The following TCP1 variants were observed in gnomAD, a reference collection of about 807,000 sequenced individuals.
TCP1 encodes the protein T-complex protein 1 subunit alpha.
A neutral mutation model predicts 54.7 loss-of-function variants in TCP1; 6 were observed. The observed-to-expected ratio is 0.11, with a 90% CI of 0.06 to 0.22. The LOEUF (loss-of-function observed/expected upper bound fraction) is 0.22, where lower values mean the gene tolerates loss of function less well. Ranked by LOEUF, TCP1 falls within the 10% of genes least tolerant of loss-of-function variation. The probability of loss-of-function intolerance (pLI) is 1.00; values close to 1 mark genes in which losing one functional copy is unlikely to be tolerated. For synonymous variants in TCP1, 225 were observed against 229.7 expected, an observed-to-expected ratio of 0.98 and a Z score of 0.19; for missense variants, 511 against 678.2, an observed-to-expected ratio of 0.75 and a Z score of 2.74.
In TCP1 at chr6:159,780,542, T is replaced by C; in HGVS notation, c.998A>G (p.Asn333Ser). The stretch of plus-strand genomic sequence containing the variant: ...TTCAAAAGTTTCTTCACCTTCCAAA[T>C]TGGCCAGGGTTGACAGAATAGTTGC... ...SGATILSTLA[N>S]LEGEETFEAA... is the part of the protein sequence containing the mutation. Residue 333 changes from asparagine (N) to serine (S), a missense_variant, in exon 9 of 12, where the codon AAT (asparagine) becomes AGT (serine). Around this residue, in one of 5 missense-constraint regions of TCP1, gnomAD observed 305 missense variants for 352.8 expected, o/e 0.86. Coordinates refer to ENST00000321394, the MANE Select transcript of TCP1 (RefSeq NM_030752.3). The C allele has an allele frequency of 4.3e-6, 7 of 1,613,620 alleles. No individual in the cohort carries two copies. Among genetic ancestry groups the C allele is most frequent in the East Asian group, 4.5e-5 (2 of 44,864 alleles).
intron 8 of TCP1, 41 bp downstream of exon 8, chr6:159,780,894 A>T: frequency 6.5e-7 from 1 of 1,549,534 alleles, no homozygotes; most frequent in Non-Finnish European, 8.7e-7. Context: ...AGGATCAGGG[A>T]TAATAAAAGT....
rs1162648793 is a variant in TCP1, at chr6:159,787,829, G to T, written c.193C>A (p.Leu65Met). The T allele has an allele frequency of 6.2e-7, 1 of 1,614,184 alleles. No homozygotes were observed. The highest frequency in any genetic ancestry group is 8.5e-7 in the Non-Finnish European group (1 of 1,180,028). The change falls in exon 3 of 12, where the codon CTG (leucine) becomes ATG (methionine). Residue 65 changes from leucine (L) to methionine (M), a missense_variant. Physicochemically the swap from Leu to Met is conservative, Grantham distance 15. Coordinates refer to ENST00000321394, the MANE Select transcript of TCP1 (RefSeq NM_030752.3). ...TNDGATILKL[L>M]EVEHPAAKVL... The stretch of plus-strand genomic sequence containing the variant: ...TTAGCTGCAGGATGTTCTACCTCCA[G>T]TAACTTCAGGATGGTTGCACCATCG...
intron 1 of TCP1, chr6:159,788,908 C>T (rs1050764658): frequency 5.2e-4 from 82 of 156,872 alleles, no homozygotes; most frequent in African/African-American, 1.9e-3. Flanking sequence ...AAGCTGTCAA[C>T]CCGGATACGG....
chr6:159,788,214 C>T (rs1447534821), intron 1 of TCP1, 71 bp from the exon 2 acceptor site: 1 of 1,457,940 alleles, frequency 6.9e-7, no homozygotes, highest in Non-Finnish European at 9.5e-7. Flanking sequence ...GTAATTTCAG[C>T]CTAAAGGTAA....
rs774242898 is a variant in TCP1, at chr6:159,778,653, C to T, written c.*392G>A. The T allele has an allele frequency of 4.0e-5, 64 of 1,613,384 alleles. No individual in the cohort carries two copies. Among genetic ancestry groups the T allele is most frequent in the South Asian group, 5.5e-5 (5 of 91,020 alleles). On this transcript the variant is annotated 3_prime_UTR_variant, in exon 12 of 12. Transcript: ENST00000321394. ...TAAACAATCTAAATCTTTTCTCCCCCGTTAGGTCAATATTGAAGGAGGGGC... is the reference window on the plus strand; with the variant it reads ...TAAACAATCTAAATCTTTTCTCCCCTGTTAGGTCAATATTGAAGGAGGGGC...
chr6:159,784,240 A>G (rs1335910106), intron 6 of TCP1, among the ~76,000 whole-genome samples, 173 bp from the exon 7 acceptor site: 2 of 152,164 alleles, frequency 1.3e-5, no homozygotes, highest in Non-Finnish European at 2.9e-5. Flanking sequence ...CATTCCTTCT[A>G]CCATGTTGTA....
At chr6:159,784,982 A>C (rs930492478) in intron 5 of TCP1, 135 bp from the exon 6 acceptor site, 1 of 826,186 alleles carries the variant, frequency 1.2e-6, no homozygotes, top group Admixed American at 2.4e-5. Flanking sequence ...TTGTCACCAA[A>C]ATGTTACAAC....
At chr6:159,782,439 C>G (rs949875065) in intron 7 of TCP1, among the ~76,000 whole-genome samples, 13 of 152,078 alleles carry the variant, frequency 8.5e-5, no homozygotes, top group Non-Finnish European at 1.3e-4. Flanking sequence ...AAAAGCTTCT[C>G]TAAGAGACTA....
At position 159,784,730 on chromosome 6, in the gene TCP1, C is replaced by T; in HGVS notation, c.606G>A (p.Gly202=). The T allele has an allele frequency of 6.2e-7, 1 of 1,614,206 alleles. No individual in the cohort carries two copies. Among genetic ancestry groups the T allele is most frequent in the Non-Finnish European group, 8.5e-7 (1 of 1,180,022 alleles). ...VNSVNILKAH[G]RSQMESMLIS... Reference sequence around the variant, plus strand: ...TGAGCATACTCTCCATTTGACTTCTCCCATGGGCTTTCAAAATATTAACAG... The same window carrying T: ...TGAGCATACTCTCCATTTGACTTCTTCCATGGGCTTTCAAAATATTAACAG... Residue 202 remains glycine, a synonymous_variant, in exon 6 of 12, where the codon GGG becomes GGA. Transcript: ENST00000321394.
rs745741436 is a variant in TCP1, at chr6:159,780,976, A to G, written c.932T>C (p.Val311Ala). 3 of 1,610,674 alleles carry G rather than the reference A, an allele frequency of 1.9e-6. No individual in the cohort carries two copies. In the Admixed American group the frequency reaches 5.1e-5, roughly 27 times the overall value. Residue 311 changes from valine (V) to alanine (A), a missense_variant, in exon 8 of 12, where the codon GTT becomes GCT. Val to Ala is a moderately conservative substitution (Grantham distance 64). This residue lies in a region of TCP1 where 305 missense variants were observed against 352.8 expected (regional missense o/e 0.86). Coordinates refer to ENST00000321394, the MANE Select transcript of TCP1 (RefSeq NM_030752.3). ...AATGCGTTTAAGGTCCCTTTTTAAAACTCTTCTAACTGCCATAGCACCAGC... is the reference window on the plus strand; with the variant it reads ...AATGCGTTTAAGGTCCCTTTTTAAAGCTCTTCTAACTGCCATAGCACCAGC... ...VEAGAMAVRR[V>A]LKRDLKRIAK...
At chr6:159,784,350 G>A (rs1780645413) in intron 6 of TCP1, among the ~76,000 whole-genome samples, 1 of 151,146 alleles carries the variant, frequency 6.6e-6, no homozygotes, top group African/African-American at 2.4e-5. Context: ...TGTAGCCCAG[G>A]CTGGAGTGCA....
At chr6:159,783,413 G>A (rs1394785307) in intron 7 of TCP1, among the ~76,000 whole-genome samples, 1 of 124,326 alleles carries the variant, frequency 8.0e-6, no homozygotes, top group East Asian at 2.2e-4. Context: ...ACAGGGTCTC[G>A]CTGTCACCCA....
At chr6:159,789,067 C>T in intron 1 of TCP1, 1 of 343,164 alleles carries the variant, frequency 2.9e-6, no homozygotes. Context: ...GGGGGTCGCC[C>T]TGAAACAAAA....
At chr6:159,788,396 T>C (rs1051418490) in intron 1 of TCP1, 2 of 413,892 alleles carry the variant, frequency 4.8e-6, no homozygotes, top group African/African-American at 4.0e-5. Context: ...GAGACCCCTT[T>C]GGGCAACATA....
At chr6:159,784,539 C>G in intron 6 of TCP1, 127 bp downstream of exon 6, 1 of 955,132 alleles carries the variant, frequency 1.0e-6, no homozygotes, top group Non-Finnish European at 1.5e-6. Flanking sequence ...CTCCTGCCCT[C>G]GTGATCCACC....
At chr6:159,782,050 C>T (rs941316072) in intron 7 of TCP1, among the ~76,000 whole-genome samples, 1 of 152,108 alleles carries the variant, frequency 6.6e-6, no homozygotes, top group Admixed American at 6.5e-5. Context: ...GCTTGGGTGA[C>T]TCCTGGAGTA....
intron 7 of TCP1, among the ~76,000 whole-genome samples, 164 bp downstream of exon 7, chr6:159,783,777 T>G (rs1326984124): frequency 6.6e-6 from 1 of 152,024 alleles, no homozygotes; most frequent in Non-Finnish European, 1.5e-5. Flanking sequence ...CAATCAAAAT[T>G]CCACAAAAAG....
intron 11 of TCP1, 58 bp downstream of exon 11, chr6:159,779,568 AT>A (rs1202802784): frequency 6.5e-7 from 1 of 1,534,352 alleles, no homozygotes. Flanking sequence ...ATTGACTACT[AT>A]CCTTTTTAAT....
intron 1 of TCP1, chr6:159,788,393 C>A: frequency 2.4e-6 from 1 of 418,998 alleles, no homozygotes; most frequent in South Asian, 2.6e-5. Context: ...TTTGAGACCC[C>A]TTTGGGCAAC....
Sources: gnomAD v4.1 joint callset for allele counts (sites outside exome capture counted in the v4.1 genomes callset) on GRCh38, gnomAD v4.1.1 for gene constraint, gnomAD v4.1.1 regional missense constraint, MANE v1.5 for transcripts, NCBI Gene and HGNC (gene_info 2026-07-23, HGNC 2026-07-21) for gene names.